Variants in SCLT1 observed in about 807,000 individuals in gnomAD.
SCLT1 encodes sodium channel-associated protein 1.
Under a neutral mutation model 112.8 loss-of-function variants are expected in SCLT1, and 78 were observed. That is an observed-to-expected ratio of 0.69 (90% CI 0.58 to 0.83). The LOEUF is 0.83. Among genes scored for constraint, SCLT1 ranks in the 40% least tolerant of loss-of-function variants. The probability of loss-of-function intolerance (pLI) is 0.00; values close to 1 mark genes in which losing one functional copy is unlikely to be tolerated. For missense variants in SCLT1, 747 were observed against 770.4 expected (o/e 0.97, Z 0.36); for synonymous variants, 257 against 254.7 (o/e 1.01, Z -0.09).
At chr4:128,907,049 C>A (rs1043997414) in intron 18 of SCLT1, among the ~76,000 whole-genome samples, 1 of 146,876 alleles carries the variant, frequency 6.8e-6, no homozygotes, top group East Asian at 2.1e-4. Flanking sequence ...CAGTCAAATC[C>A]GTGTGTGAAG....
chr4:128,950,607 A>G (rs183308745), intron 14 of SCLT1, among the ~76,000 whole-genome samples: 3 of 152,286 alleles, frequency 2.0e-5, no homozygotes, highest in Admixed American at 2.0e-4. Context: ...ATAATACTCT[A>G]TAAAAGAAGT....
At position 128,888,756 on chromosome 4, in the gene SCLT1, C is replaced by G. The variant is rs1733083881; in HGVS notation, c.1927G>C (p.Glu643Gln). ...KVAENEKLIL[E>Q]HQEKANRLQR... ...AGTCTGTTGGCTTTTTCTTGATGCT[C>G]TAGAATTAGCTTTTCATTCTATTAA... Residue 643 changes from glutamate (E) to glutamine (Q), a missense_variant, in exon 20 of 21, where the codon GAG becomes CAG. Physicochemically the swap from Glu to Gln is conservative, Grantham distance 29 (BLOSUM62 2). Around this residue, in one of 2 missense-constraint regions of SCLT1, gnomAD observed 723 missense variants for 721.3 expected, o/e 1.00. Coordinates refer to ENST00000281142, the MANE Select transcript of SCLT1 (RefSeq NM_144643.4). 1 of 1,607,430 alleles carries G rather than the reference C, an allele frequency of 6.2e-7. No homozygotes were observed. Among genetic ancestry groups the G allele is most frequent in the Middle Eastern group, 1.7e-4 (1 of 6,044 alleles).
intron 18 of SCLT1, among the ~76,000 whole-genome samples, chr4:128,922,833 A>C (rs1171937496): frequency 6.6e-6 from 1 of 152,220 alleles, no homozygotes; most frequent in African/African-American, 2.4e-5. Flanking sequence ...TTGAGAATAT[A>C]CAACAGCAAA....
intron 18 of SCLT1, among the ~76,000 whole-genome samples, chr4:128,909,573 T>A (rs1734938237): frequency 6.6e-6 from 1 of 152,232 alleles, no homozygotes; most frequent in Admixed American, 6.5e-5. Context: ...TGGTACTTAT[T>A]ATCTGATAAT....
intron 9 of SCLT1, among the ~76,000 whole-genome samples, chr4:128,981,799 C>T (rs960665425): frequency 1.3e-5 from 2 of 151,624 alleles, no homozygotes; most frequent in African/African-American, 2.4e-5. Flanking sequence ...AGTCTACAGT[C>T]GAGGCACACA....
chr4:128,965,153 A>G (rs1740065868), intron 11 of SCLT1, 74 bp downstream of exon 11: 1 of 752,372 alleles, frequency 1.3e-6, no homozygotes, highest in East Asian at 2.5e-5. Context: ...TCTAGTAAAT[A>G]TCACACACTG....
chr4:128,894,363 AACACACACACACACAC>A (rs10522940), intron 18 of SCLT1, among the ~76,000 whole-genome samples: 2,908 of 143,066 alleles, frequency 0.02, 55 homozygotes, highest in African/African-American at 0.045. Flanking sequence ...TTGAGTAAGT[AACACACACACACACAC>A]ACACACACAC....
At chr4:128,885,840 T>A (rs1732854479) in intron 20 of SCLT1, among the ~76,000 whole-genome samples, 1 of 152,236 alleles carries the variant, frequency 6.6e-6, no homozygotes, top group South Asian at 2.1e-4. Context: ...ATGATGTGAT[T>A]ACAGTTTAAA....
chr4:129,032,132 A>C (rs2126146164), intron 5 of SCLT1, among the ~76,000 whole-genome samples: 1 of 152,286 alleles, frequency 6.6e-6, no homozygotes, highest in East Asian at 1.9e-4. Context: ...CTGGTATCAA[A>C]TCAGATATAT....
At chr4:129,037,590 G>A (rs1747297453) in intron 5 of SCLT1, 1 of 152,178 alleles carries the variant, frequency 6.6e-6, no homozygotes, top group African/African-American at 2.4e-5. Context: ...GATGGTGGTA[G>A]CACCATAAAT....
chr4:129,009,470 C>T lies in SCLT1; in HGVS notation c.291-5594G>A, dbSNP rs557614541. 2.1e-4 allele frequency among the ~76,000 whole-genome samples: 31 copies of T among 151,078 alleles called. No homozygotes were observed. The East Asian group carries it at 2.9e-3, about 14-fold the overall frequency. ...CGGAGCTTGCAGTGAGCTGAGATCG[C>T]GCCACTGCACTCCAGCCTGGGCGAC... On this transcript the variant is annotated intron_variant, in intron 5 of 20. Coordinates refer to ENST00000281142, the MANE Select transcript of SCLT1 (RefSeq NM_144643.4).
intron 2 of SCLT1, among the ~76,000 whole-genome samples, chr4:129,052,783 T>C (rs1748934289): frequency 6.6e-6 from 1 of 152,196 alleles, no homozygotes; most frequent in Admixed American, 6.5e-5. Flanking sequence ...TTTGCATTTG[T>C]TTGCTCTTGC....
At chr4:128,938,306 C>T (rs1424849222) in intron 17 of SCLT1, among the ~76,000 whole-genome samples, 1 of 152,194 alleles carries the variant, frequency 6.6e-6, no homozygotes, top group Admixed American at 6.5e-5. Flanking sequence ...AAATTCTTGG[C>T]TCACTGGAGC....
intron 18 of SCLT1, among the ~76,000 whole-genome samples, chr4:128,911,363 T>G (rs1735083987): frequency 6.6e-6 from 1 of 152,240 alleles, no homozygotes; most frequent in Non-Finnish European, 1.5e-5. Context: ...TATACACTAA[T>G]AAGTTAACTA....
At chr4:128,954,015 G>C (rs1173097723) in intron 13 of SCLT1, among the ~76,000 whole-genome samples, 1 of 152,008 alleles carries the variant, frequency 6.6e-6, no homozygotes, top group South Asian at 2.1e-4. Context: ...AATGTGCACA[G>C]AGCATTTTGA....
intron 2 of SCLT1, among the ~76,000 whole-genome samples, chr4:129,050,984 CT>C (rs1460225136): frequency 6.6e-6 from 1 of 151,980 alleles, no homozygotes; most frequent in African/African-American, 2.4e-5. Context: ...AATAGGGAAT[CT>C]TTTCCCCATT....
intron 5 of SCLT1, among the ~76,000 whole-genome samples, chr4:129,024,639 C>T (rs533429095): frequency 5.9e-5 from 9 of 152,288 alleles, no homozygotes; most frequent in South Asian, 4.1e-4. Flanking sequence ...AAAAGCAGAG[C>T]GACTCTCCTC....
At chr4:129,060,767 A>T (rs528850723) in intron 2 of SCLT1, among the ~76,000 whole-genome samples, 1 of 152,260 alleles carries the variant, frequency 6.6e-6, no homozygotes, top group Admixed American at 6.5e-5. Context: ...CCCAGGTCTG[A>T]CATGGCCTAC....
At chr4:129,032,626 C>A (rs1237709593) in intron 5 of SCLT1, among the ~76,000 whole-genome samples, 1 of 151,724 alleles carries the variant, frequency 6.6e-6, no homozygotes, top group African/African-American at 2.4e-5. Flanking sequence ...CTGCAAGGAA[C>A]TTAAACAAAT....
Sources: gnomAD v4.1 joint callset for allele counts (sites outside exome capture counted in the v4.1 genomes callset) on GRCh38, gnomAD v4.1.1 for gene constraint, gnomAD v4.1.1 regional missense constraint, MANE v1.5 for transcripts, NCBI Gene and HGNC (gene_info 2026-07-23, HGNC 2026-07-21) for gene names.